Variants in NDST2 observed in about 807,000 individuals in gnomAD.
NDST2 encodes bifunctional heparan sulfate N-deacetylase/N-sulfotransferase 2.
A neutral mutation model predicts 86.9 loss-of-function variants in NDST2; 32 were observed. That is an observed-to-expected ratio of 0.37 (90% CI 0.28 to 0.49). The LOEUF (loss-of-function observed/expected upper bound fraction) is 0.49, where lower values mean the gene tolerates loss of function less well. Among genes scored for constraint, NDST2 ranks in the 20% least tolerant of loss-of-function variants. The pLI is 0.97. For missense variants in NDST2, 950 were observed against 1,146.9 expected, an observed-to-expected ratio of 0.83 and a Z score of 2.48; for synonymous variants, 409 against 437.0, an observed-to-expected ratio of 0.94 and a Z score of 0.80.
rs753670574 is a variant in NDST2, at chr10:73,805,467, T to C, written c.1746+120A>G. The C allele has an allele frequency of 5.8e-4, 551 of 946,360 alleles. 4 individuals carry two copies. The highest frequency in any genetic ancestry group is 7.8e-4 in the Non-Finnish European group (497 of 636,574). The allele number at this position is 946,360 out of a possible 1,614,324, so 58.6% of individuals were successfully genotyped here. A position where few individuals can be genotyped will look rare whatever the true frequency, so the allele number is the denominator to read the frequency against. On this transcript the variant is annotated intron_variant, in intron 8 of 14. Coordinates refer to ENST00000309979, the MANE Select transcript of NDST2 (RefSeq NM_003635.4). ...AGGTGGAGGTTGCAATGAGCAGAGA[T>C]TGTGCCATTGTACTCTAGCCTGGGT...
intron 2 of NDST2, among the ~76,000 whole-genome samples, chr10:73,809,669 C>A (rs1359260572): frequency 6.6e-6 from 1 of 152,170 alleles, no homozygotes; most frequent in Admixed American, 6.5e-5. Context: ...TCACATCCAA[C>A]CAATGACAGA....
At chr10:73,807,284 C>T in intron 3 of NDST2, 89 bp from the exon 4 acceptor site, 1 of 1,567,206 alleles carries the variant, frequency 6.4e-7, no homozygotes, top group South Asian at 1.1e-5. Flanking sequence ...CCTGGAAAGG[C>T]AGGGAGTGTA....
chr10:73,802,256 T>C lies in NDST2; in HGVS notation c.*195A>G. On this transcript the variant is annotated 3_prime_UTR_variant, in exon 15 of 15. Coordinates refer to ENST00000309979, the MANE Select transcript of NDST2 (RefSeq NM_003635.4). ...AGGTACCTAGCACTATTATGTGGGGTACCAAAGGAAGCCCCTTTATTTGTC... is the reference window on the plus strand; with the variant it reads ...AGGTACCTAGCACTATTATGTGGGGCACCAAAGGAAGCCCCTTTATTTGTC... The C allele has an allele frequency of 3.2e-6, 2 of 628,142 alleles. No individual in the cohort carries two copies. The highest frequency in any genetic ancestry group is 5.5e-6 in the Non-Finnish European group (2 of 362,516). The allele number at this position is 628,142 out of a possible 1,614,324, so 38.9% of individuals were successfully genotyped here. A position where few individuals can be genotyped will look rare whatever the true frequency, so the allele number is the denominator to read the frequency against.
Position 73,802,686 on chromosome 10 carries a change from A to AT in NDST2, c.2513dup (p.Asp838GlufsTer5), listed in dbSNP as rs771563980. 2 of 1,614,182 alleles carry AT rather than the reference A, an allele frequency of 1.2e-6. No homozygotes were observed. The highest frequency in any genetic ancestry group is 2.2e-5 in the South Asian group (2 of 91,082). Reference sequence around the variant, plus strand: ...TGGCTTTACTTACCTCAGTGTCCATATCTGGATACCTCCGGCCTTTGCTCC... The same window carrying AT: ...TGGCTTTACTTACCTCAGTGTCCATATTCTGGATACCTCCGGCCTTTGCTCC... On this transcript the variant is annotated frameshift_variant, in exon 14 of 15. Transcript: ENST00000309979. LOFTEE classifies it high-confidence loss of function.
At position 73,802,711 on chromosome 10, in the gene NDST2, C is replaced by T. The variant is rs770333081; in HGVS notation, c.2489G>A (p.Arg830Gln). 2.7e-5 allele frequency: 43 copies of T among 1,614,178 alleles called. No individual in the cohort carries two copies. The highest frequency in any genetic ancestry group is 3.3e-5 in the Admixed American group (2 of 60,024). Residue 830 changes from arginine (R) to glutamine (Q), a missense_variant, in exon 14 of 15, where the codon CGG becomes CAG. Physicochemically the swap from Arg to Gln is conservative, Grantham distance 43. Transcript: ENST00000309979. ...ATCTGGATACCTCCGGCCTTTGCTC[C>T]GGCCTAGACAGCGAGTCTTACCACC... The part of the protein sequence containing the change: ...LEGGKTRCLG[R>Q]SKGRRYPDMD...
At chr10:73,804,103 T>C in intron 9 of NDST2, 87 bp from the exon 10 acceptor site, 1 of 1,508,038 alleles carries the variant, frequency 6.6e-7, no homozygotes, top group Non-Finnish European at 8.9e-7. Flanking sequence ...AGTGAAAAAA[T>C]AACCACTCTG....
In NDST2 at chr10:73,807,645, A is replaced by T. The variant is rs763846239; in HGVS notation, c.744T>A (p.Ala248=). 3 of 1,614,146 alleles carry T rather than the reference A, an allele frequency of 1.9e-6. No individual in the cohort carries two copies. The Admixed American group carries it at 5.0e-5, about 27-fold the overall frequency. The change falls in exon 3 of 15, where the codon GCT becomes GCA. Residue 248 remains alanine (A), a synonymous_variant. Transcript: ENST00000309979. ...GAACTGGTCCTGGCACTGCGGGCTC[A>T]GCTGGCCGAAGGCTGGCAAGAAGCA... is the stretch of plus-strand genomic sequence containing the variant. ...EPVLLASLRP[A]EPAVPGPVLR...
chr10:73,806,596 G>A lies in NDST2; in HGVS notation c.1248+61C>T. ...GATAGGAAAAGGGTAGCCCATTAGG[G>A]GAAGGTAGAAAAGGAAGCATGGCTG... On this transcript the variant is annotated intron_variant, in intron 5 of 14. Transcript: ENST00000309979. This position sits in a 1 kb window ranked among gnomAD's most constrained non-coding sequence, Gnocchi z 4.5. 1 of 1,594,852 alleles carries A rather than the reference G, an allele frequency of 6.3e-7. No individual in the cohort carries two copies. Among genetic ancestry groups the A allele is most frequent in the Non-Finnish European group, 8.6e-7 (1 of 1,165,252 alleles).
chr10:73,802,685 T>C lies in NDST2; in HGVS notation c.2515A>G (p.Met839Val), dbSNP rs2084012500. The C allele has an allele frequency of 1.9e-6, 3 of 1,614,166 alleles. No homozygotes were observed. Among genetic ancestry groups the C allele is most frequent in the East Asian group, 4.5e-5 (2 of 44,876 alleles). The change falls in exon 14 of 15, where the codon ATG becomes GTG. Residue 839 changes from methionine to valine, a missense_variant. Physicochemically the swap from Met to Val is conservative, Grantham distance 21. Transcript: ENST00000309979. ...GRSKGRRYPD[M>V]DTESRLFLTD... ...CTGGCTTTACTTACCTCAGTGTCCA[T>C]ATCTGGATACCTCCGGCCTTTGCTC... is the stretch of plus-strand genomic sequence containing the variant.
intron 10 of NDST2, 46 bp from the exon 11 acceptor site, chr10:73,803,794 T>TG (rs1396984175): frequency 6.2e-7 from 1 of 1,612,608 alleles, no homozygotes; most frequent in South Asian, 1.1e-5. Context: ...ATATGCAGAG[T>TG]GAAGTGGCCA....
chr10:73,803,079 C>T lies in NDST2; in HGVS notation c.2316G>A (p.Leu772=), dbSNP rs1360717879. Residue 772 remains leucine (L), a splice_region_variant and synonymous_variant, in exon 13 of 15, where the codon TTG becomes TTA. Transcript: ENST00000309979. ...RWLTYYPSGQ[L]LIVDGQELRT... is the part of the protein sequence containing the mutation. ...GCAGCTCTTGCCCATCCACAATCAG[C>T]AACTAAAAGGACAGGGATGTGGTTC... The T allele has an allele frequency of 2.5e-6, 4 of 1,614,052 alleles. No individual in the cohort carries two copies. The African/African-American group carries it at 5.3e-5, about 22-fold the overall frequency.
chr10:73,806,126 C>T lies in NDST2; in HGVS notation c.1435-98G>A. The T allele has an allele frequency of 6.5e-7, 1 of 1,543,396 alleles. No homozygotes were observed. Among genetic ancestry groups the T allele is most frequent in the Non-Finnish European group, 8.8e-7 (1 of 1,130,420 alleles). On this transcript the variant is annotated intron_variant, in intron 6 of 14. Coordinates refer to ENST00000309979, the MANE Select transcript of NDST2 (RefSeq NM_003635.4). The surrounding 1 kb of genome is among the most constrained non-coding windows in gnomAD (Gnocchi z 4.5). ...TAGAGGACTGAGTCTGAAGTTATAGCAATAAAGCTCTTACTGAGGGTGTTA... is the reference window on the plus strand; with the variant it reads ...TAGAGGACTGAGTCTGAAGTTATAGTAATAAAGCTCTTACTGAGGGTGTTA...
intron 13 of NDST2, 89 bp from the exon 14 acceptor site, chr10:73,802,865 CAT>C: frequency 6.7e-7 from 1 of 1,485,764 alleles, no homozygotes; most frequent in Non-Finnish European, 9.4e-7. Flanking sequence ...CCCACAGGGA[CAT>C]GTCTCTCCTT....
In NDST2 at chr10:73,803,193, C is replaced by G. The variant is rs2084031632; in HGVS notation, c.2309G>C (p.Gly770Ala). Reference sequence around the variant, plus strand: ...GGGCTCTTGTGGGGATTATACCTGTCCAGAGGGGTAGTAAGTCAGCCAGCG... The same window carrying G: ...GGGCTCTTGTGGGGATTATACCTGTGCAGAGGGGTAGTAAGTCAGCCAGCG... ...LQRWLTYYPS[G>A]QLLIVDGQEL... is the part of the protein sequence containing the mutation. The change falls in exon 12 of 15, where the codon GGA (glycine) becomes GCA (alanine). Residue 770 changes from glycine to alanine, a missense_variant. Physicochemically the swap from Gly to Ala is moderately conservative, Grantham distance 60 (BLOSUM62 0). Around this residue, in one of 5 missense-constraint regions of NDST2, gnomAD observed 303 missense variants for 323.7 expected, o/e 0.94. Transcript: ENST00000309979. 1 of 1,614,100 alleles carries G rather than the reference C, an allele frequency of 6.2e-7. No individual in the cohort carries two copies. Among genetic ancestry groups the G allele is most frequent in the Non-Finnish European group, 8.5e-7 (1 of 1,180,014 alleles).
Position 73,806,122 on chromosome 10 carries a change from A to T in NDST2, c.1435-94T>A. The T allele has an allele frequency of 5.2e-6, 8 of 1,550,798 alleles. No homozygotes were observed. In the South Asian group the frequency reaches 8.2e-5, roughly 16 times the overall value. On this transcript the variant is annotated intron_variant, in intron 6 of 14. Transcript: ENST00000309979. This position sits in a 1 kb window ranked among gnomAD's most constrained non-coding sequence, Gnocchi z 4.5. The stretch of plus-strand genomic sequence containing the variant: ...TTTATAGAGGACTGAGTCTGAAGTT[A>T]TAGCAATAAAGCTCTTACTGAGGGT...
In NDST2 at chr10:73,802,202, C is replaced by G; in HGVS notation, c.*249G>C. On this transcript the variant is annotated 3_prime_UTR_variant, in exon 15 of 15. Coordinates refer to ENST00000309979, the MANE Select transcript of NDST2 (RefSeq NM_003635.4). ...TACACCCTGCCTGGACCCTCTCATT[C>G]CTCCCCACCTCCCAAGATGATGGGT... The G allele has an allele frequency of 3.4e-6, 2 of 579,730 alleles. No homozygotes were observed. Among genetic ancestry groups the G allele is most frequent in the Non-Finnish European group, 6.1e-6 (2 of 326,324 alleles). The allele number at this position is 579,730 out of a possible 1,614,324, so 35.9% of individuals were successfully genotyped here. A position where few individuals can be genotyped will look rare whatever the true frequency, so the allele number is the denominator to read the frequency against.
rs1358210302 is a variant in NDST2 at position 73,808,002 on chromosome 10, A to G, written c.387T>C (p.Asp129=). Residue 129 remains aspartate (D), a synonymous_variant, in exon 3 of 15, where the codon GAT becomes GAC. Transcript: ENST00000309979. This position sits in a 1 kb window ranked among gnomAD's most constrained non-coding sequence, Gnocchi z 4.3. ...CCAAGACATAGCGGCCATGGGTATT[A>G]TCAGTCAATGTGGGCATGTCCCCTC... is the stretch of plus-strand genomic sequence containing the variant. ...PGRGDMPTLT[D]NTHGRYVLVI... is the part of the protein sequence containing the mutation. The G allele has an allele frequency of 6.2e-7, 1 of 1,614,250 alleles. No homozygotes were observed. Among genetic ancestry groups the G allele is most frequent in the East Asian group, 2.2e-5 (1 of 44,892 alleles).
At chr10:73,807,074 A>G in intron 4 of NDST2, 34 bp downstream of exon 4, 1 of 1,585,864 alleles carries the variant, frequency 6.3e-7, no homozygotes, top group Non-Finnish European at 8.7e-7. Context: ...AGGTCAAACT[A>G]TGATATGCCA....
At chr10:73,809,212 C>T (rs1320214626) in intron 2 of NDST2, 1 of 152,226 alleles carries the variant, frequency 6.6e-6, no homozygotes, top group Non-Finnish European at 1.5e-5. Flanking sequence ...GTCTGTTAAT[C>T]TTCTCATCAA....
Sources: gnomAD v4.1 joint callset for allele counts (sites outside exome capture counted in the v4.1 genomes callset) on GRCh38, gnomAD v4.1.1 for gene constraint, gnomAD v4.1.1 regional missense constraint, Gnocchi (gnomAD v3.1) non-coding constraint, MANE v1.5 for transcripts, NCBI Gene and HGNC (gene_info 2026-07-23, HGNC 2026-07-21) for gene names.